The following SLC39A11 variants were observed in gnomAD, a reference collection of about 807,000 sequenced individuals.
SLC39A11 encodes zinc transporter ZIP11.
SLC39A11 carries 33 observed loss-of-function variants against 36.1 expected under a neutral mutation model. The observed-to-expected ratio is 0.91, with a 90% CI of 0.69 to 1.22. The LOEUF (loss-of-function observed/expected upper bound fraction) is 1.22. SLC39A11 is among the 50% of genes most tolerant of loss of function. SLC39A11 has a pLI of 0.00. For missense variants in SLC39A11, 432 were observed against 430.3 expected (o/e 1.00, Z -0.03); for synonymous variants, 166 against 170.3 (o/e 0.97, Z 0.20).
chr17:73,038,058 A>G (rs1175841052), intron 3 of SLC39A11, among the ~76,000 whole-genome samples: 2 of 152,050 alleles, frequency 1.3e-5, no homozygotes, highest in African/African-American at 4.8e-5. Context: ...CCCCGTCTCT[A>G]CTAAAAAACA....
intron 3 of SLC39A11, among the ~76,000 whole-genome samples, chr17:73,056,589 CAA>C: frequency 6.6e-6 from 1 of 152,252 alleles, no homozygotes; most frequent in Non-Finnish European, 1.5e-5. Flanking sequence ...AAGTCACTGG[CAA>C]AAGTCAAAGT....
At chr17:72,780,654 C>T (rs1257306767) in intron 6 of SLC39A11, among the ~76,000 whole-genome samples, 1 of 152,122 alleles carries the variant, frequency 6.6e-6, no homozygotes, top group Non-Finnish European at 1.5e-5. Context: ...GCTCTCCACT[C>T]TCTATTAGGT....
intron 9 of SLC39A11, among the ~76,000 whole-genome samples, chr17:72,647,929 TA>T (rs1412676539): frequency 6.6e-6 from 1 of 152,236 alleles, no homozygotes; most frequent in African/African-American, 2.4e-5. Context: ...CAAGGTCACC[TA>T]TGATCGTTCT....
intron 7 of SLC39A11, among the ~76,000 whole-genome samples, chr17:72,668,538 C>G (rs1225953649): frequency 6.6e-6 from 1 of 152,138 alleles, no homozygotes; most frequent in African/African-American, 2.4e-5. Flanking sequence ...GCAAACAGCA[C>G]AGACCTCTGA....
In SLC39A11 at chr17:72,759,327, C is replaced by T. The variant is rs191600737; in HGVS notation, c.602-22608G>A. Among the ~76,000 whole-genome samples, 249 of 152,050 alleles carry T rather than the reference C, an allele frequency of 1.6e-3. 1 individual carries two copies. Among genetic ancestry groups the T allele is most frequent in the African/African-American group, 5.7e-3 (235 of 41,478 alleles). On this transcript the variant is annotated intron_variant, in intron 6 of 9. Transcript: ENST00000255559. ...TAAAACAGACAAATGAGCAAAGGAA[C>T]GGAAGTGGTGATCAAGAGAAACCAG...
chr17:72,977,582 G>C (rs558474608), intron 4 of SLC39A11, among the ~76,000 whole-genome samples: 1 of 152,166 alleles, frequency 6.6e-6, no homozygotes, highest in African/African-American at 2.4e-5. Context: ...GATACACCAG[G>C]GACAAGTTTA....
Position 72,647,452 on chromosome 17 carries a change from A to G in SLC39A11, c.*132T>C, listed in dbSNP as rs1479848442. 1.5e-6 allele frequency: 1 copy of G among 647,168 alleles called. No individual in the cohort carries two copies. Among genetic ancestry groups the G allele is most frequent in the Middle Eastern group, 4.4e-4 (1 of 2,284 alleles). 40.1% of individuals were successfully genotyped at this position (647,168 alleles called of 1,614,324 possible). A position where few individuals can be genotyped will look rare whatever the true frequency, so the allele number is the denominator to read the frequency against. On this transcript the variant is annotated 3_prime_UTR_variant, in exon 10 of 10. Transcript: ENST00000255559. ...AATGGTTCTATTATAATCAGAGTCA[A>G]TCAGGATAATGAGATGAAGAAGAGA...
At chr17:72,866,611 A>G (rs1003814846) in intron 5 of SLC39A11, among the ~76,000 whole-genome samples, 1 of 152,158 alleles carries the variant, frequency 6.6e-6, no homozygotes, top group Non-Finnish European at 1.5e-5. Flanking sequence ...GAAAACCACT[A>G]AAGACAAATG....
chr17:73,080,766 GA>G (rs2060481573), intron 3 of SLC39A11, among the ~76,000 whole-genome samples: 1 of 151,936 alleles, frequency 6.6e-6, no homozygotes, highest in Non-Finnish European at 1.5e-5. Context: ...CCAACATGGT[GA>G]AACTCCGTCT....
At chr17:72,743,220 C>T (rs2074787403) in intron 6 of SLC39A11, among the ~76,000 whole-genome samples, 1 of 150,926 alleles carries the variant, frequency 6.6e-6, no homozygotes, top group Non-Finnish European at 1.5e-5. Context: ...GGCCGTAAAC[C>T]GCAGTCTCTC....
chr17:72,860,813 C>T (rs774744372), intron 5 of SLC39A11, among the ~76,000 whole-genome samples: 9 of 152,170 alleles, frequency 5.9e-5, no homozygotes, highest in Non-Finnish European at 1.3e-4. Context: ...TGTTTTTCTG[C>T]CCATACATGT....
intron 6 of SLC39A11, among the ~76,000 whole-genome samples, chr17:72,812,442 G>C (rs920092580): frequency 2.0e-5 from 3 of 152,188 alleles, no homozygotes; most frequent in Admixed American, 2.0e-4. Context: ...AAGATGTCTA[G>C]GCAATTTAAT....
intron 4 of SLC39A11, among the ~76,000 whole-genome samples, chr17:73,016,099 A>G (rs1465598510): frequency 6.6e-6 from 1 of 152,086 alleles, no homozygotes; most frequent in Non-Finnish European, 1.5e-5. Context: ...TCATGGGTTA[A>G]TAGTCACTAT....
intron 7 of SLC39A11, among the ~76,000 whole-genome samples, chr17:72,662,546 A>C (rs932134465): frequency 3.2e-5 from 3 of 92,948 alleles, no homozygotes; most frequent in Non-Finnish European, 6.5e-5. Context: ...AGAAAGAAAG[A>C]AAAGAAAAAA....
chr17:72,744,812 C>T (rs1444251218), intron 6 of SLC39A11, among the ~76,000 whole-genome samples: 1 of 152,180 alleles, frequency 6.6e-6, no homozygotes, highest in African/African-American at 2.4e-5. Context: ...CTGATACCAT[C>T]GCATTGGGGG....
intron 5 of SLC39A11, among the ~76,000 whole-genome samples, chr17:72,902,407 A>G (rs879734068): frequency 3.3e-5 from 5 of 150,710 alleles, no homozygotes; most frequent in Non-Finnish European, 7.4e-5. Context: ...ACCAGACACT[A>G]GGAAGAGGCA....
chr17:72,746,465 A>T (rs2074940810), intron 6 of SLC39A11, among the ~76,000 whole-genome samples: 1 of 151,048 alleles, frequency 6.6e-6, no homozygotes, highest in South Asian at 2.1e-4. Context: ...AAAATTAAAA[A>T]ATTGGCCAGG....
intron 5 of SLC39A11, among the ~76,000 whole-genome samples, chr17:72,897,784 G>A (rs2082105882): frequency 6.6e-6 from 1 of 152,180 alleles, no homozygotes; most frequent in Non-Finnish European, 1.5e-5. Flanking sequence ...AAAACAGGCG[G>A]CAAGGGAATT....
intron 2 of SLC39A11, 143 bp downstream of exon 2, chr17:73,088,514 C>A (rs780115953): frequency 3.2e-6 from 2 of 624,810 alleles, no homozygotes; most frequent in Non-Finnish European, 5.7e-6. Context: ...AATAAGAAGA[C>A]AGCGAACAAA....
Sources: gnomAD v4.1 joint callset for allele counts (sites outside exome capture counted in the v4.1 genomes callset) on GRCh38, gnomAD v4.1.1 for gene constraint, MANE v1.5 for transcripts, NCBI Gene and HGNC (gene_info 2026-07-23, HGNC 2026-07-21) for gene names.